EXOC6B: variants seen among roughly 807,000 people sequenced by gnomAD.
The protein encoded by EXOC6B is SEC15 homolog B.
A neutral mutation model predicts 113.5 loss-of-function variants in EXOC6B; 54 were observed. The observed-to-expected ratio is 0.48, with a 90% CI of 0.38 to 0.60. The LOEUF is 0.60. Among genes scored for constraint, EXOC6B ranks in the 20% least tolerant of loss-of-function variants. EXOC6B has a pLI of 0.00. For synonymous variants in EXOC6B, 357 were observed against 339.0 expected, an observed-to-expected ratio of 1.05 and a Z score of -0.58; for missense variants, 797 against 977.5, an observed-to-expected ratio of 0.82 and a Z score of 2.46.
chr2:72,688,467 G>A (rs931897044), intron 6 of EXOC6B, among the ~76,000 whole-genome samples: 2 of 152,084 alleles, frequency 1.3e-5, no homozygotes, highest in Admixed American at 6.5e-5. Flanking sequence ...CCTCCTTCCT[G>A]GTGGGCAAGG....
At chr2:72,389,377 T>C (rs1692232408) in intron 18 of EXOC6B, among the ~76,000 whole-genome samples, 1 of 152,008 alleles carries the variant, frequency 6.6e-6, no homozygotes, top group African/African-American at 2.4e-5. Context: ...TACTTCTATA[T>C]ATGTTATCAA....
At chr2:72,282,481 A>G (rs1280196353) in intron 20 of EXOC6B, among the ~76,000 whole-genome samples, 3 of 152,056 alleles carry the variant, frequency 2.0e-5, no homozygotes, top group Admixed American at 2.0e-4. Context: ...CTGTTTTAAA[A>G]GGCAGGAAAG....
intron 6 of EXOC6B, among the ~76,000 whole-genome samples, chr2:72,592,014 ATATT>A (rs1379536475): frequency 6.6e-6 from 1 of 151,996 alleles, no homozygotes; most frequent in Non-Finnish European, 1.5e-5. Context: ...TTTAAAAAAG[ATATT>A]TATATATACA....
At chr2:72,194,749 T>C (rs1679065409) in intron 20 of EXOC6B, among the ~76,000 whole-genome samples, 2 of 152,188 alleles carry the variant, frequency 1.3e-5, no homozygotes, top group Admixed American at 6.5e-5. Flanking sequence ...GAGGAGGCCT[T>C]TGGATTTTCC....
chr2:72,694,908 A>G (rs774228446), intron 6 of EXOC6B, among the ~76,000 whole-genome samples: 2 of 152,258 alleles, frequency 1.3e-5, no homozygotes, highest in Admixed American at 6.5e-5. Flanking sequence ...AATCAGTATC[A>G]CATAAAGTTT....
At chr2:72,398,541 A>G (rs1692904116) in intron 18 of EXOC6B, among the ~76,000 whole-genome samples, 1 of 152,118 alleles carries the variant, frequency 6.6e-6, no homozygotes, top group Non-Finnish European at 1.5e-5. Context: ...TATTAAAAAT[A>G]CAAAAATTAG....
intron 18 of EXOC6B, among the ~76,000 whole-genome samples, chr2:72,408,740 T>A (rs79335448): frequency 0.2 from 30,472 of 152,070 alleles, 5,634 homozygotes; most frequent in African/African-American, 0.49. Context: ...GACTTAAATG[T>A]TAGACCTAAA....
At chr2:72,511,286 G>A (rs373477212) in intron 11 of EXOC6B, among the ~76,000 whole-genome samples, 2 of 152,070 alleles carry the variant, frequency 1.3e-5, no homozygotes, top group East Asian at 1.9e-4. Context: ...TAATCATTTC[G>A]AATGTAAACT....
chr2:72,505,141 T>C (rs916973325), intron 11 of EXOC6B, among the ~76,000 whole-genome samples: 1 of 152,172 alleles, frequency 6.6e-6, no homozygotes. Flanking sequence ...TGCTTTTAGT[T>C]TTCAGTTAAG....
intron 20 of EXOC6B, among the ~76,000 whole-genome samples, chr2:72,301,881 C>T (rs1417674737): frequency 1.3e-5 from 2 of 152,036 alleles, no homozygotes; most frequent in Non-Finnish European, 2.9e-5. Context: ...CTTCTGCTAG[C>T]TTTGGGGTTG....
At chr2:72,308,088 A>G (rs899504917) in intron 20 of EXOC6B, among the ~76,000 whole-genome samples, 1 of 152,190 alleles carries the variant, frequency 6.6e-6, no homozygotes, top group African/African-American at 2.4e-5. Flanking sequence ...TTGAATAGGT[A>G]AAGAAATCTC....
chr2:72,720,685 C>G (rs903107369), intron 5 of EXOC6B, among the ~76,000 whole-genome samples: 3 of 151,948 alleles, frequency 2.0e-5, no homozygotes, highest in African/African-American at 7.3e-5. Context: ...CCCGGGTGGG[C>G]AGAGGTTGCA....
intron 6 of EXOC6B, among the ~76,000 whole-genome samples, chr2:72,710,996 T>C (rs1679240464): frequency 2.0e-5 from 3 of 152,120 alleles, no homozygotes; most frequent in African/African-American, 7.2e-5. Context: ...CACACAGAAA[T>C]CAGCCTAGAC....
At chr2:72,220,316 C>G (rs933087469) in intron 20 of EXOC6B, among the ~76,000 whole-genome samples, 1 of 152,114 alleles carries the variant, frequency 6.6e-6, no homozygotes, top group Non-Finnish European at 1.5e-5. Flanking sequence ...TGCCCCTCCC[C>G]CAGTTGAGCC....
At chr2:72,725,951 G>T (rs189601039) in intron 5 of EXOC6B, among the ~76,000 whole-genome samples, 3 of 152,200 alleles carry the variant, frequency 2.0e-5, no homozygotes, top group South Asian at 4.2e-4. Context: ...AGCATTATTC[G>T]TAATAGTTAA....
intron 18 of EXOC6B, among the ~76,000 whole-genome samples, chr2:72,425,865 T>C (rs1695171244): frequency 6.6e-6 from 1 of 152,202 alleles, no homozygotes; most frequent in Non-Finnish European, 1.5e-5. Context: ...ACAGATATTA[T>C]AGTGTCACTT....
At chr2:72,612,699 A>G (rs538734843) in intron 6 of EXOC6B, among the ~76,000 whole-genome samples, 1 of 152,348 alleles carries the variant, frequency 6.6e-6, no homozygotes, top group African/African-American at 2.4e-5. Context: ...CCTGAGCAGA[A>G]AGACAGAAGA....
Position 72,445,184 on chromosome 2 carries a change from T to G in EXOC6B, c.1980+19976A>C, listed in dbSNP as rs79312597. Among the ~76,000 whole-genome samples the G allele has an allele frequency of 5.3e-5, 8 of 152,336 alleles. No individual in the cohort carries two copies. The East Asian group carries it at 1.3e-3, about 26-fold the overall frequency. On this transcript the variant is annotated intron_variant, in intron 18 of 21. Coordinates refer to ENST00000272427, the MANE Select transcript of EXOC6B (RefSeq NM_015189.3). Reference sequence around the variant, plus strand: ...GGGCAGGGGTAAAATGCCACCAGTCTCTTTGCTAAAACATAACAAGAGTGA... The same window carrying G: ...GGGCAGGGGTAAAATGCCACCAGTCGCTTTGCTAAAACATAACAAGAGTGA...
intron 18 of EXOC6B, among the ~76,000 whole-genome samples, chr2:72,386,245 A>G (rs911658914): frequency 6.6e-6 from 1 of 152,144 alleles, no homozygotes; most frequent in Admixed American, 6.5e-5. Flanking sequence ...AGGAACTTAT[A>G]TTTAAAAGAG....
Sources: allele counts gnomAD v4.1 joint callset (sites outside exome capture counted in the v4.1 genomes callset), GRCh38; gene constraint gnomAD v4.1.1; transcripts MANE v1.5; gene names NCBI Gene and HGNC (gene_info 2026-07-23, HGNC 2026-07-21).